Variants in AVL9 observed in about 807,000 individuals in gnomAD.
AVL9 encodes AVL9 cell migration associated.
AVL9 carries 49 observed loss-of-function variants against 79.2 expected under a neutral mutation model. The ratio of observed to expected loss-of-function variants is 0.62; its 90% CI spans 0.49 to 0.79. The LOEUF is 0.79. AVL9 is among the 30% of genes least tolerant of loss of function. AVL9 has a pLI of 0.00. For synonymous variants in AVL9, 299 were observed against 280.6 expected (o/e 1.07, Z -0.65); for missense variants, 682 against 776.8 (o/e 0.88, Z 1.45).
intron 1 of AVL9, among the ~76,000 whole-genome samples, chr7:32,524,451 G>T (rs934354129): frequency 6.6e-6 from 1 of 151,998 alleles, no homozygotes; most frequent in Admixed American, 6.6e-5. Flanking sequence ...GGAGACAGTG[G>T]TTGCAGTGAA....
chr7:32,548,656 C>T (rs1018689601), intron 3 of AVL9, among the ~76,000 whole-genome samples, 191 bp from the exon 4 acceptor site: 3 of 152,172 alleles, frequency 2.0e-5, no homozygotes, highest in African/African-American at 7.2e-5. Context: ...GTGCCTCCCA[C>T]AGATTCTGGC....
intron 1 of AVL9, among the ~76,000 whole-genome samples, chr7:32,509,998 G>A (rs1787585525): frequency 6.6e-6 from 1 of 152,248 alleles, no homozygotes; most frequent in Non-Finnish European, 1.5e-5. Context: ...GAGGCTGAAT[G>A]TTGGTTTACC....
chr7:32,514,179 G>C (rs1306397478), intron 1 of AVL9, among the ~76,000 whole-genome samples: 1 of 152,094 alleles, frequency 6.6e-6, no homozygotes, highest in Non-Finnish European at 1.5e-5. Flanking sequence ...ACCCTTTACA[G>C]GTGTCGGGCT....
chr7:32,566,470 A>AAAT (rs70992732), intron 10 of AVL9, among the ~76,000 whole-genome samples: 2 of 150,280 alleles, frequency 1.3e-5, no homozygotes, highest in African/African-American at 2.4e-5. Context: ...TGCCCAGCCA[A>AAAT]AATAATAATG....
At chr7:32,580,055 G>GTGA (rs1791432183) in intron 13 of AVL9, among the ~76,000 whole-genome samples, 164 bp from the exon 14 acceptor site, 1 of 152,186 alleles carries the variant, frequency 6.6e-6, no homozygotes, top group South Asian at 2.1e-4. Context: ...TGTCGTCACT[G>GTGA]TAAGTGGAGA....
intron 10 of AVL9, among the ~76,000 whole-genome samples, chr7:32,560,228 ATGTT>A (rs1790272786): frequency 7.0e-6 from 1 of 143,124 alleles, no homozygotes; most frequent in South Asian, 2.3e-4. Context: ...TAAATAATAA[ATGTT>A]TATTATTTAA....
At chr7:32,505,170 G>A (rs1787351583) in intron 1 of AVL9, among the ~76,000 whole-genome samples, 1 of 151,008 alleles carries the variant, frequency 6.6e-6, no homozygotes, top group African/African-American at 2.4e-5. Context: ...CACTGCACCC[G>A]GCCTGATCTT....
chr7:32,518,474 A>T (rs942080986), intron 1 of AVL9, among the ~76,000 whole-genome samples: 1 of 152,022 alleles, frequency 6.6e-6, no homozygotes, highest in East Asian at 1.9e-4. Flanking sequence ...GTAGGAAAAC[A>T]TTGTTTCAAA....
intron 10 of AVL9, among the ~76,000 whole-genome samples, chr7:32,564,589 C>CTG (rs1463788031): frequency 6.6e-6 from 1 of 152,182 alleles, no homozygotes; most frequent in Non-Finnish European, 1.5e-5. Context: ...GGAAGAAAGT[C>CTG]TTCAGCTTAC....
intron 10 of AVL9, among the ~76,000 whole-genome samples, chr7:32,564,048 C>T (rs1790448713): frequency 1.3e-5 from 2 of 152,134 alleles, no homozygotes; most frequent in African/African-American, 4.8e-5. Flanking sequence ...TTTCACCGAC[C>T]TGCCCTCTAA....
intron 4 of AVL9, 139 bp from the exon 5 acceptor site, chr7:32,551,195 A>G: frequency 1.7e-6 from 1 of 604,600 alleles, no homozygotes; most frequent in Non-Finnish European, 2.9e-6. Context: ...TATGAATAAT[A>G]CGCACTAAAG....
At chr7:32,576,897 TTGA>T (rs1190125096) in intron 13 of AVL9, among the ~76,000 whole-genome samples, 5 of 152,226 alleles carry the variant, frequency 3.3e-5, no homozygotes, top group African/African-American at 9.6e-5. Context: ...ATACTGAATG[TTGA>T]TGATGAAGGC....
intron 10 of AVL9, chr7:32,562,799 G>A (rs112960435): frequency 0.063 from 10,457 of 164,800 alleles, 396 homozygotes; most frequent in Non-Finnish European, 0.082. Context: ...GCATATGCCT[G>A]TAGTCACCGC....
At position 32,583,810 on chromosome 7, in the gene AVL9, C is replaced by A; in HGVS notation, c.1850C>A (p.Ala617Asp). 6.2e-7 allele frequency: 1 copy of A among 1,613,716 alleles called. No homozygotes were observed. The highest frequency in any genetic ancestry group is 8.5e-7 in the Non-Finnish European group (1 of 1,179,730). Residue 617 changes from alanine to aspartate, a missense_variant, in exon 16 of 16, where the codon GCT (alanine) becomes GAT (aspartate). Coordinates refer to ENST00000318709, the MANE Select transcript of AVL9 (RefSeq NM_015060.3). ...CATCCAGGCCAGTCAGTTGGAGGAG[C>A]TTTTTCCAGTGCAAAGACAGCTATG... is the stretch of plus-strand genomic sequence containing the variant. ...GKAVGQSVGG[A>D]FSSAKTAMSS...
At chr7:32,517,189 T>G (rs983808599) in intron 1 of AVL9, among the ~76,000 whole-genome samples, 4 of 152,204 alleles carry the variant, frequency 2.6e-5, no homozygotes, top group African/African-American at 9.7e-5. Flanking sequence ...ATATGCATAT[T>G]TTGTTATGTG....
chr7:32,541,926 G>A (rs1173129739), intron 1 of AVL9, among the ~76,000 whole-genome samples: 1 of 152,002 alleles, frequency 6.6e-6, no homozygotes, highest in Admixed American at 6.6e-5. Context: ...TGTCGGCCAG[G>A]CTGGTCTCGA....
At chr7:32,545,029 A>T (rs918010041) in intron 3 of AVL9, among the ~76,000 whole-genome samples, 4 of 152,106 alleles carry the variant, frequency 2.6e-5, no homozygotes, top group Admixed American at 2.6e-4. Context: ...TAAATTATCT[A>T]TTTGTCTTTT....
intron 15 of AVL9, among the ~76,000 whole-genome samples, chr7:32,583,533 C>A (rs992374852): frequency 6.6e-6 from 1 of 152,016 alleles, no homozygotes; most frequent in Middle Eastern, 3.4e-3. Context: ...CAAAAAATTA[C>A]CCAGGTGTGG....
intron 7 of AVL9, among the ~76,000 whole-genome samples, chr7:32,554,007 A>C (rs1789954322): frequency 6.6e-6 from 1 of 152,198 alleles, no homozygotes; most frequent in Non-Finnish European, 1.5e-5. Flanking sequence ...TCTTTGCAGG[A>C]TAGGGTAATT....
Sources: gnomAD v4.1 joint callset for allele counts (sites outside exome capture counted in the v4.1 genomes callset) on GRCh38, gnomAD v4.1.1 for gene constraint, MANE v1.5 for transcripts, NCBI Gene and HGNC (gene_info 2026-07-23, HGNC 2026-07-21) for gene names.